Variants in DYRK1B observed in about 807,000 individuals in gnomAD.
The protein encoded by DYRK1B is dual specificity tyrosine phosphorylation regulated kinase 1B, also known as dual specificity tyrosine-phosphorylation-regulated kinase 1B.
DYRK1B carries 20 observed loss-of-function variants against 57.1 expected under a neutral mutation model. The observed-to-expected ratio is 0.35, with a 90% confidence interval of 0.25 to 0.51. The LOEUF is 0.51. Ranked by LOEUF, DYRK1B falls within the 20% of genes least tolerant of loss-of-function variation. The pLI, the probability that DYRK1B is intolerant of heterozygous loss-of-function variation, is 0.96. For synonymous variants in DYRK1B, 409 were observed against 384.7 expected (o/e 1.06, Z -0.74); for missense variants, 732 against 886.3 (o/e 0.83, Z 2.21).
rs1968770428 is a variant in DYRK1B, at chr19:39,830,740, G to A, written c.107C>T (p.Ala36Val). ...VRLLPRRLPLAFRDATSAPLR... is the reference protein window; with the variant it reads ...VRLLPRRLPLVFRDATSAPLR... ...CGGGGCTGAGGTTGCATCCCGGAAG[G>A]CCAGGGGCAGCCTCCGAGGCAGTAG... is the stretch of plus-strand genomic sequence containing the variant. Residue 36 changes from alanine (A) to valine (V), a missense_variant, in exon 3 of 11, where the codon GCC (alanine) becomes GTC (valine). By Grantham distance (64) the Ala-to-Val change is moderately conservative. Transcript: ENST00000323039. The A allele has an allele frequency of 6.2e-7, 1 of 1,614,104 alleles. No homozygotes were observed. Among genetic ancestry groups the A allele is most frequent in the African/African-American group, 1.3e-5 (1 of 75,040 alleles).
chr19:39,827,802 T>G, intron 6 of DYRK1B, 146 bp from the exon 7 acceptor site: 1 of 1,050,458 alleles, frequency 9.5e-7, no homozygotes, highest in Non-Finnish European at 1.4e-6. Context: ...TCAGCACCAA[T>G]TTTCTGGGAG....
Position 39,825,658 on chromosome 19 carries a change from G to A in DYRK1B, c.*57C>T. ...GGAGAGAGATGAGGATGGGAGCCCA[G>A]GGCCCCCAGATGGGGGAGGGTATGG... On this transcript the variant is annotated 3_prime_UTR_variant, in exon 11 of 11. Coordinates refer to ENST00000323039, the MANE Select transcript of DYRK1B (RefSeq NM_004714.3). The A allele has an allele frequency of 6.7e-7, 1 of 1,499,212 alleles. No individual in the cohort carries two copies. The highest frequency in any genetic ancestry group is 9.0e-7 in the Non-Finnish European group (1 of 1,112,252). The allele number at this position is 1,499,212 out of a possible 1,614,324, so 92.9% of individuals were successfully genotyped here. A position where few individuals can be genotyped will look rare whatever the true frequency, so the allele number is the denominator to read the frequency against.
rs1310403753 is a variant in DYRK1B, at chr19:39,831,948, G to A, written c.-81C>T. ...GGCGCCTTCTTGCATCCTGCACCTC[G>A]GCTGCCACCGCCGCTGAGACCTGAG... On this transcript the variant is annotated 5_prime_UTR_variant, in exon 2 of 11. Transcript: ENST00000323039. 67 of 1,430,966 alleles carry A rather than the reference G, an allele frequency of 4.7e-5. No homozygotes were observed. The highest frequency in any genetic ancestry group is 7.5e-5 in the South Asian group (5 of 66,930). 88.6% of individuals were successfully genotyped at this position (1,430,966 alleles called of 1,614,324 possible).
At chr19:39,827,014 G>GGGGGGGGGGGGGGGGGGGGGCC in intron 8 of DYRK1B, 27 bp from the exon 9 acceptor site, 1 of 419,596 alleles carries the variant, frequency 2.4e-6, no homozygotes, top group Non-Finnish European at 4.3e-6. Flanking sequence ...GGGAGGGGGG[G>GGGGGGGGGGGGGGGGGGGGGCC]CAAGAGAGTG....
Position 39,826,248 on chromosome 19 carries a change from G to T in DYRK1B, c.1450C>A (p.Arg484Ser), listed in dbSNP as rs545752876. The change falls in exon 10 of 11, where the codon CGC becomes AGC. Residue 484 changes from arginine to serine, a missense_variant. Coordinates refer to ENST00000323039, the MANE Select transcript of DYRK1B (RefSeq NM_004714.3). This position sits in a 1 kb window ranked among gnomAD's most constrained non-coding sequence, Gnocchi z 6.3. ...CCCCCACAATATCGGTTGCTGTAGC[G>T]GTAGGTCCGGTTGTCACTGGAGGAG... ...SGSSSDNRTY[R>S]YSNRYCGGPG... 6.3e-7 allele frequency: 1 copy of T among 1,595,622 alleles called. No homozygotes were observed. The highest frequency in any genetic ancestry group is 1.8e-5 in the Admixed American group (1 of 55,186).
At position 39,827,416 on chromosome 19, in the gene DYRK1B, T is replaced by C. The variant is rs966650287; in HGVS notation, c.964A>G (p.Met322Val). 8 of 1,612,274 alleles carry C rather than the reference T, an allele frequency of 5.0e-6. No individual in the cohort carries two copies. Among genetic ancestry groups the C allele is most frequent in the Non-Finnish European group, 6.8e-6 (8 of 1,178,564 alleles). ...LFSGSNEVDQ[M>V]NRIVEVLGIP... is the part of the protein sequence containing the mutation. Reference sequence around the variant, plus strand: ...CCCAGCACCTCCACAATGCGGTTCATCTGGTCGACCTGTGAGCAGGCAGGG... The same window carrying C: ...CCCAGCACCTCCACAATGCGGTTCACCTGGTCGACCTGTGAGCAGGCAGGG... Residue 322 changes from methionine to valine, a missense_variant, in exon 8 of 11, where the codon ATG becomes GTG. This residue lies in a region of DYRK1B where 510 missense variants were observed against 681.3 expected (regional missense o/e 0.75). Transcript: ENST00000323039.
rs1392192709 is a variant in DYRK1B, at chr19:39,826,238, T to C, written c.1460A>G (p.Asn487Ser). 5 of 1,596,218 alleles carry C rather than the reference T, an allele frequency of 3.1e-6. No homozygotes were observed. The highest frequency in any genetic ancestry group is 1.4e-5 in the African/African-American group (1 of 73,684). ...SSDNRTYRYS[N>S]RYCGGPGPPI... ...GGGCCCAGGGCCCCCACAATATCGG[T>C]TGCTGTAGCGGTAGGTCCGGTTGTC... Residue 487 changes from asparagine to serine, a missense_variant, in exon 10 of 11, where the codon AAC becomes AGC. Transcript: ENST00000323039. This position sits in a 1 kb window ranked among gnomAD's most constrained non-coding sequence, Gnocchi z 6.3.
In DYRK1B at chr19:39,826,958, C is replaced by T; in HGVS notation, c.1125G>A (p.Leu375=). The T allele has an allele frequency of 1.4e-6, 2 of 1,448,252 alleles. No individual in the cohort carries two copies. The highest frequency in any genetic ancestry group is 1.8e-6 in the Non-Finnish European group (2 of 1,111,734). 89.7% of individuals were successfully genotyped at this position (1,448,252 alleles called of 1,614,324 possible). The change falls in exon 9 of 11, where the codon CTG becomes CTA. Residue 375 remains leucine (L), a synonymous_variant. Transcript: ENST00000323039. The surrounding 1 kb of genome is among the most constrained non-coding windows in gnomAD (Gnocchi z 6.3). ...KDYQGPGTRR[L]QEVLGVQTGG... is the part of the protein sequence containing the mutation. ...CCGTCTGCACGCCCAGCACCTCCTG[C>T]AGCCGCCGTGTCCCGGGGCCCTGGT... is the stretch of plus-strand genomic sequence containing the variant.
rs888629419 is a variant in DYRK1B, at chr19:39,834,065, G to C, written c.-144C>G. ...GGGACTCAAACTGCTCGGGGAGCCCGAGCTCAGACCTGCCCACTGGCTGAG... is the reference window on the plus strand; with the variant it reads ...GGGACTCAAACTGCTCGGGGAGCCCCAGCTCAGACCTGCCCACTGGCTGAG... On this transcript the variant is annotated 5_prime_UTR_variant, in exon 1 of 11. Transcript: ENST00000323039. 2 of 165,446 alleles carry C rather than the reference G, an allele frequency of 1.2e-5. No homozygotes were observed. Among genetic ancestry groups the C allele is most frequent in the African/African-American group, 4.8e-5 (2 of 41,672 alleles). 10.2% of individuals were successfully genotyped at this position (165,446 alleles called of 1,614,324 possible).
chr19:39,828,634 C>A lies in DYRK1B; in HGVS notation c.521-51G>T. 2 of 1,556,696 alleles carry A rather than the reference C, an allele frequency of 1.3e-6. No homozygotes were observed. Among genetic ancestry groups the A allele is most frequent in the Non-Finnish European group, 1.7e-6 (2 of 1,144,778 alleles). On this transcript the variant is annotated intron_variant, in intron 5 of 10. Transcript: ENST00000323039. This position sits in a 1 kb window ranked among gnomAD's most constrained non-coding sequence, Gnocchi z 4.3. ...CAGAGAAGAAACGGCTCAGAGAGGG[C>A]AGGTGGTGGCCTGGGGTCATACAAC... is the stretch of plus-strand genomic sequence containing the variant.
intron 5 of DYRK1B, among the ~76,000 whole-genome samples, chr19:39,829,179 T>C (rs978390461): frequency 6.6e-6 from 1 of 151,950 alleles, no homozygotes; most frequent in African/African-American, 2.4e-5. Flanking sequence ...TTTTTTTTGT[T>C]GTTGTTGTAA....
chr19:39,827,642 G>GAT lies in DYRK1B; in HGVS notation c.820_821dup (p.Gln275SerfsTer49). On this transcript the variant is annotated frameshift_variant, in exon 7 of 11. Transcript: ENST00000323039. LOFTEE classifies it high-confidence loss of function. The stretch of plus-strand genomic sequence containing the variant: ...CAGGTGAGCGGTAGAAGCGGCTCTG[G>GAT]ATATACTGGTAGATCTGGGAAAAGG... 6.2e-7 allele frequency: 1 copy of GAT among 1,613,838 alleles called. No homozygotes were observed. Among genetic ancestry groups the GAT allele is most frequent in the Non-Finnish European group, 8.5e-7 (1 of 1,179,826 alleles).
chr19:39,829,403 A>G lies in DYRK1B; in HGVS notation c.520+477T>C, dbSNP rs918259971. On this transcript the variant is annotated intron_variant, in intron 5 of 10. Transcript: ENST00000323039. Reference sequence around the variant, plus strand: ...CACCACATCAAGCTAATTTTTTCACATTTTTAGTAGAGACGGGGTTTCACC... The same window carrying G: ...CACCACATCAAGCTAATTTTTTCACGTTTTTAGTAGAGACGGGGTTTCACC... Among the ~76,000 whole-genome samples, 7 of 151,410 alleles carry G rather than the reference A, an allele frequency of 4.6e-5. No individual in the cohort carries two copies. In the East Asian group the frequency reaches 1.4e-3, roughly 29 times the overall value.
intron 4 of DYRK1B, 148 bp downstream of exon 4, chr19:39,830,227 C>T: frequency 8.4e-7 from 1 of 1,196,254 alleles, no homozygotes. Context: ...GTTATTTAAA[C>T]TGTTTTACAG....
Position 39,827,564 on chromosome 19 carries a change from G to T in DYRK1B, c.900C>A (p.Gly300=). 1 of 1,614,126 alleles carries T rather than the reference G, an allele frequency of 6.2e-7. No individual in the cohort carries two copies. The highest frequency in any genetic ancestry group is 8.5e-7 in the Non-Finnish European group (1 of 1,179,996). ...CGGTGTGCATCTCCACAAGGATGCAGCCCAGGGACCACATGTCAATGGCCA... is the reference window on the plus strand; with the variant it reads ...CGGTGTGCATCTCCACAAGGATGCATCCCAGGGACCACATGTCAATGGCCA... ...YDLAIDMWSL[G]CILVEMHTGE... The change falls in exon 7 of 11, where the codon GGC becomes GGA. Residue 300 remains glycine (G), a synonymous_variant. Coordinates refer to ENST00000323039, the MANE Select transcript of DYRK1B (RefSeq NM_004714.3).
Position 39,828,484 on chromosome 19 carries a change from C to T in DYRK1B, c.620G>A (p.Arg207His), listed in dbSNP as rs1383465036. 5.6e-6 allele frequency: 9 copies of T among 1,613,546 alleles called. No homozygotes were observed. Among genetic ancestry groups the T allele is most frequent in the East Asian group, 2.2e-5 (1 of 44,892 alleles). The change falls in exon 6 of 11, where the codon CGC (arginine) becomes CAC (histidine). Residue 207 changes from arginine to histidine, a missense_variant. By Grantham distance (29) the Arg-to-His change is conservative. Around this residue, in one of 2 missense-constraint regions of DYRK1B, gnomAD observed 510 missense variants for 681.3 expected, o/e 0.75. Transcript: ENST00000323039. The surrounding 1 kb of genome is among the most constrained non-coding windows in gnomAD (Gnocchi z 4.3). The part of the protein sequence containing the change: ...LYDLLRNTHF[R>H]GVSLNLTRKL... ...CCGGGTCAGGTTCAGCGAGACGCCGCGGAAGTGGGTGTTGCGCAGGAGGTC... is the reference window on the plus strand; with the variant it reads ...CCGGGTCAGGTTCAGCGAGACGCCGTGGAAGTGGGTGTTGCGCAGGAGGTC...
intron 5 of DYRK1B, chr19:39,829,626 G>A (rs1474082696): frequency 4.9e-6 from 2 of 405,556 alleles, no homozygotes; most frequent in African/African-American, 4.1e-5. Context: ...GGGCTGTGGT[G>A]AGTTAACTTC....
Position 39,830,746 on chromosome 19 carries a change from G to A in DYRK1B, c.101C>T (p.Pro34Leu). The A allele has an allele frequency of 6.2e-7, 1 of 1,614,070 alleles. No individual in the cohort carries two copies. The highest frequency in any genetic ancestry group is 8.5e-7 in the Non-Finnish European group (1 of 1,180,006). ...TGAGGTTGCATCCCGGAAGGCCAGG[G>A]GCAGCCTCCGAGGCAGTAGCCGCAC... ...PDVRLLPRRLPLAFRDATSAP... is the reference protein window; with the variant it reads ...PDVRLLPRRLLLAFRDATSAP... The change falls in exon 3 of 11, where the codon CCC (proline) becomes CTC (leucine). Residue 34 changes from proline to leucine, a missense_variant. Physicochemically the swap from Pro to Leu is moderately conservative, Grantham distance 98. Transcript: ENST00000323039.
At position 39,830,199 on chromosome 19, in the gene DYRK1B, G is replaced by A. The variant is rs1032387960; in HGVS notation, c.373-172C>T. 9.7e-6 allele frequency: 11 copies of A among 1,134,420 alleles called. 1 individual carries two copies. In the East Asian group the frequency reaches 1.2e-4, roughly 12 times the overall value. 70.3% of individuals were successfully genotyped at this position (1,134,420 alleles called of 1,614,324 possible). On this transcript the variant is annotated intron_variant, in intron 4 of 10. Coordinates refer to ENST00000323039, the MANE Select transcript of DYRK1B (RefSeq NM_004714.3). ...AACACTGGATGTGAAATAACATAAC[G>A]ACCTTATGTTGAGTCTTGTTATTTA...
Sources: gnomAD v4.1 joint callset for allele counts (sites outside exome capture counted in the v4.1 genomes callset) on GRCh38, gnomAD v4.1.1 for gene constraint, gnomAD v4.1.1 regional missense constraint, Gnocchi (gnomAD v3.1) non-coding constraint, MANE v1.5 for transcripts, NCBI Gene and HGNC (gene_info 2026-07-23, HGNC 2026-07-21) for gene names.